The following CLSTN2 variants were observed in gnomAD, a reference collection of about 807,000 sequenced individuals.
CLSTN2 encodes calsyntenin 2.
A neutral mutation model predicts 101.2 loss-of-function variants in CLSTN2; 48 were observed. The ratio of observed to expected loss-of-function variants is 0.47; its 90% CI spans 0.38 to 0.60. The LOEUF is 0.60. CLSTN2 is among the 20% of genes least tolerant of loss of function. The pLI, the probability that CLSTN2 is intolerant of heterozygous loss-of-function variation, is 0.00. For synonymous variants in CLSTN2, 481 were observed against 463.6 expected, an observed-to-expected ratio of 1.04 and a Z score of -0.48; for missense variants, 1,160 against 1,238.2, an observed-to-expected ratio of 0.94 and a Z score of 0.95.
At chr3:140,415,486 C>CAAAAAAAAAAAAAAAAAAAAAGA (rs2088419382) in intron 4 of CLSTN2, among the ~76,000 whole-genome samples, 1 of 56,870 alleles carries the variant, frequency 1.8e-5, no homozygotes, top group Non-Finnish European at 3.0e-5. Context: ...CACAAAATAG[C>CAAAAAAAAAAAAAAAAAAAAAGA]AAAAAAAAAA....
chr3:140,412,299 G>A (rs571323756), intron 4 of CLSTN2, among the ~76,000 whole-genome samples: 1 of 152,320 alleles, frequency 6.6e-6, no homozygotes, highest in Non-Finnish European at 1.5e-5. Context: ...ACAGGTGTGA[G>A]CCACCACACC....
At chr3:140,106,846 A>G (rs1340728381) in intron 1 of CLSTN2, among the ~76,000 whole-genome samples, 1 of 152,252 alleles carries the variant, frequency 6.6e-6, no homozygotes, top group Non-Finnish European at 1.5e-5. Flanking sequence ...TCTTACATTT[A>G]ACAAAATTAT....
At position 140,419,768 on chromosome 3, in the gene CLSTN2, C is replaced by T. The variant is rs1211479902; in HGVS notation, c.638-1357C>T. 1.0e-4 allele frequency among the ~76,000 whole-genome samples: 6 copies of T among 59,790 alleles called. 2 individuals are homozygous for T. The highest frequency in any genetic ancestry group is 1.6e-4 in the Non-Finnish European group (6 of 38,400). The allele number at this position is 59,790 out of a possible 152,430, so 39.2% of individuals were successfully genotyped here. ...ATATATACACATATACGTGTATACA[C>T]GTGTATACACGTATATACACGTATA... On this transcript the variant is annotated intron_variant, in intron 4 of 16. Transcript: ENST00000458420.
rs1047441270 is a variant in CLSTN2, at chr3:140,172,066, T to G, written c.110-3885T>G. Among the ~76,000 whole-genome samples, 20 of 150,990 alleles carry G rather than the reference T, an allele frequency of 1.3e-4. No homozygotes were observed. The South Asian group carries it at 2.3e-3, about 17-fold the overall frequency. On this transcript the variant is annotated intron_variant, in intron 1 of 16. Coordinates refer to ENST00000458420, the MANE Select transcript of CLSTN2 (RefSeq NM_022131.3). ...TAATGATCATGCCTACCTCACAGGA[T>G]GCTGTGGGAAGCACTGCATATGTGA...
intron 2 of CLSTN2, among the ~76,000 whole-genome samples, chr3:140,326,020 T>C (rs2087329248): frequency 6.6e-6 from 1 of 152,200 alleles, no homozygotes; most frequent in African/African-American, 2.4e-5. Flanking sequence ...TTCAAACATA[T>C]ACTTTTCCTT....
intron 4 of CLSTN2, among the ~76,000 whole-genome samples, chr3:140,405,918 A>T (rs1006428091): frequency 1.3e-5 from 2 of 152,222 alleles, no homozygotes; most frequent in Non-Finnish European, 2.9e-5. Flanking sequence ...TTCAAACTCC[A>T]TTCACTCTGT....
At chr3:140,176,187 T>G in intron 2 of CLSTN2, 114 bp downstream of exon 2, 43 of 1,128,626 alleles carry the variant, frequency 3.8e-5, no homozygotes, top group Non-Finnish European at 4.7e-5. Flanking sequence ...TGTGCATCTC[T>G]AGATCAGCCT....
chr3:140,162,798 A>C (rs1308388598), intron 1 of CLSTN2, among the ~76,000 whole-genome samples: 1 of 152,184 alleles, frequency 6.6e-6, no homozygotes, highest in African/African-American at 2.4e-5. Context: ...TTTGCAGTGA[A>C]TATACTGTAA....
At chr3:140,370,835 T>G (rs1310173973) in intron 2 of CLSTN2, among the ~76,000 whole-genome samples, 1 of 152,146 alleles carries the variant, frequency 6.6e-6, no homozygotes, top group Non-Finnish European at 1.5e-5. Context: ...TACACTTTAT[T>G]TCTTCCATCA....
At chr3:140,200,449 A>C (rs573793383) in intron 2 of CLSTN2, among the ~76,000 whole-genome samples, 102 of 152,280 alleles carry the variant, frequency 6.7e-4, no homozygotes, top group African/African-American at 2.3e-3. Context: ...GTCAGTCAGC[A>C]GTCAACAAGC....
chr3:140,429,669 C>G (rs561330440), intron 5 of CLSTN2, among the ~76,000 whole-genome samples: 3 of 152,110 alleles, frequency 2.0e-5, no homozygotes, highest in Non-Finnish European at 2.9e-5. Context: ...TAGATGTTGG[C>G]TGGAATGCAG....
intron 2 of CLSTN2, among the ~76,000 whole-genome samples, chr3:140,348,004 T>C (rs539756874): frequency 6.6e-6 from 1 of 152,330 alleles, no homozygotes; most frequent in Admixed American, 6.5e-5. Context: ...ATGTTATTGA[T>C]TATCACTTGG....
chr3:140,313,127 C>T (rs1417980904), intron 2 of CLSTN2, among the ~76,000 whole-genome samples: 1 of 152,146 alleles, frequency 6.6e-6, no homozygotes, highest in Admixed American at 6.5e-5. Context: ...ACTGCCTGTA[C>T]TATCCAGAAA....
Position 140,556,472 on chromosome 3 carries a change from A to G in CLSTN2, c.1675-41A>G, listed in dbSNP as rs550583861. The G allele has an allele frequency of 2.5e-6, 4 of 1,609,590 alleles. No individual in the cohort carries two copies. The East Asian group carries it at 8.9e-5, about 36-fold the overall frequency. On this transcript the variant is annotated intron_variant, in intron 10 of 16. Coordinates refer to ENST00000458420, the MANE Select transcript of CLSTN2 (RefSeq NM_022131.3). ...GTGCTCCCATAAAACCATGTACATC[A>G]CTGACCATTCTCTTCCATGATGCTC...
chr3:140,396,652 TC>T (rs905309668), intron 2 of CLSTN2, among the ~76,000 whole-genome samples: 14 of 152,212 alleles, frequency 9.2e-5, no homozygotes, highest in African/African-American at 3.4e-4. Context: ...ACTATTTCAT[TC>T]CAGCCCATCT....
At chr3:140,434,906 AT>A (rs1324937453) in intron 5 of CLSTN2, among the ~76,000 whole-genome samples, 4 of 148,210 alleles carry the variant, frequency 2.7e-5, no homozygotes, top group South Asian at 2.2e-4. Context: ...TTTAAAAAAA[AT>A]TTTTTTAAAT....
chr3:139,972,324 C>T (rs372766800), intron 1 of CLSTN2, among the ~76,000 whole-genome samples: 2 of 152,004 alleles, frequency 1.3e-5, no homozygotes, highest in Non-Finnish European at 2.9e-5. Context: ...AGTGGGTCCT[C>T]CTTTACTCTT....
chr3:140,330,133 C>G (rs1415705508), intron 2 of CLSTN2, among the ~76,000 whole-genome samples: 7 of 152,222 alleles, frequency 4.6e-5, no homozygotes, highest in Non-Finnish European at 1.0e-4. Context: ...GGCTGCTACT[C>G]TTCCCTAACT....
chr3:140,272,380 G>A (rs1264437198), intron 2 of CLSTN2, among the ~76,000 whole-genome samples: 1 of 152,180 alleles, frequency 6.6e-6, no homozygotes, highest in Non-Finnish European at 1.5e-5. Context: ...ATCTCACAGT[G>A]TAAATATGAA....
Sources: allele counts gnomAD v4.1 joint callset (sites outside exome capture counted in the v4.1 genomes callset), GRCh38; gene constraint gnomAD v4.1.1; transcripts MANE v1.5; gene names NCBI Gene and HGNC (gene_info 2026-07-23, HGNC 2026-07-21).